Variants in AGO2 observed in about 807,000 individuals in gnomAD.
The protein encoded by AGO2 is argonaute RISC catalytic component 2.
AGO2 carries 5 observed loss-of-function variants against 102.3 expected under a neutral mutation model. The ratio of observed to expected loss-of-function variants is 0.05; its 90% CI spans 0.03 to 0.10. The LOEUF (loss-of-function observed/expected upper bound fraction) is 0.10. Among genes scored for constraint, AGO2 ranks in the 10% least tolerant of loss-of-function variants. The pLI is 1.00. For synonymous variants in AGO2, 449 were observed against 473.1 expected (o/e 0.95, Z 0.66); for missense variants, 541 against 1,183.7 (o/e 0.46, Z 7.97).
intron 1 of AGO2, among the ~76,000 whole-genome samples, chr8:140,597,969 C>T (rs1395644062): frequency 3.9e-5 from 6 of 152,264 alleles, no homozygotes; most frequent in Non-Finnish European, 4.4e-5. Flanking sequence ...GTGCCAGTGC[C>T]AGCAGATGCT....
rs868216275 is a variant in AGO2, at chr8:140,589,431, G to A, written c.23-4120C>T. On this transcript the variant is annotated intron_variant, in intron 1 of 18. Coordinates refer to ENST00000220592, the MANE Select transcript of AGO2 (RefSeq NM_012154.5). The surrounding 1 kb of genome is among the most constrained non-coding windows in gnomAD (Gnocchi z 4.2). Reference sequence around the variant, plus strand: ...GCTTGGGTGGCAGCCTCGCTGTGAGGCTGGCACAGGGGCCCAGGGCTGTCT... The same window carrying A: ...GCTTGGGTGGCAGCCTCGCTGTGAGACTGGCACAGGGGCCCAGGGCTGTCT... 2.0e-5 allele frequency among the ~76,000 whole-genome samples: 3 copies of A among 151,714 alleles called. No homozygotes were observed. The highest frequency in any genetic ancestry group is 2.1e-4 in the South Asian group (1 of 4,796).
At chr8:140,606,797 C>T (rs1397222958) in intron 1 of AGO2, among the ~76,000 whole-genome samples, 2 of 148,558 alleles carry the variant, frequency 1.3e-5, no homozygotes, top group African/African-American at 5.0e-5. Context: ...ATTAGCCGGT[C>T]GTGGTGGCGT....
rs1405187200 is a variant in AGO2 at position 140,531,518 on chromosome 8, C to T, written c.*526G>A. On this transcript the variant is annotated 3_prime_UTR_variant, in exon 19 of 19. Coordinates refer to ENST00000220592, the MANE Select transcript of AGO2 (RefSeq NM_012154.5). ...CTCTGCATGGCCACCGGCCCTCAGT[C>T]GAGGAACTTGGGTGAGCCACGCCAG... 1 of 154,864 alleles carries T rather than the reference C, an allele frequency of 6.5e-6. No individual in the cohort carries two copies. The highest frequency in any genetic ancestry group is 1.4e-5 in the Non-Finnish European group (1 of 69,620). The allele number at this position is 154,864 out of a possible 1,614,324, so 9.6% of individuals were successfully genotyped here. A position where few individuals can be genotyped will look rare whatever the true frequency, so the allele number is the denominator to read the frequency against.
At chr8:140,607,461 TATATATATATATATATATATATATATA>T (rs2074015888) in intron 1 of AGO2, among the ~76,000 whole-genome samples, 4 of 2,078 alleles carry the variant, frequency 1.9e-3, no homozygotes, top group African/African-American at 4.4e-3. Context: ...AGAAAAATTA[TATATATATATATATATATATATATATA>T]TATATATATA....
intron 3 of AGO2, among the ~76,000 whole-genome samples, chr8:140,570,908 C>T (rs1405212692): frequency 6.6e-6 from 1 of 152,194 alleles, no homozygotes; most frequent in Non-Finnish European, 1.5e-5. Context: ...TTCAGAAAAA[C>T]TACCCTGATG....
At chr8:140,625,882 C>T (rs117981677) in intron 1 of AGO2, among the ~76,000 whole-genome samples, 1 of 152,316 alleles carries the variant, frequency 6.6e-6, no homozygotes, top group Non-Finnish European at 1.5e-5. Flanking sequence ...GATGAGTGAG[C>T]GTCTCAGCAC....
At chr8:140,550,178 T>C (rs757622278) in intron 11 of AGO2, among the ~76,000 whole-genome samples, 2 of 152,076 alleles carry the variant, frequency 1.3e-5, no homozygotes, top group Non-Finnish European at 2.9e-5. Context: ...GGACACAAGG[T>C]GGCCTCAGAA....
At chr8:140,608,994 C>A (rs1176893287) in intron 1 of AGO2, among the ~76,000 whole-genome samples, 2 of 152,210 alleles carry the variant, frequency 1.3e-5, no homozygotes. Flanking sequence ...CACTGCCTCC[C>A]CAGGCCTAAC....
intron 1 of AGO2, among the ~76,000 whole-genome samples, chr8:140,630,490 G>A (rs1041357533): frequency 7.9e-5 from 12 of 152,254 alleles, no homozygotes; most frequent in Admixed American, 2.6e-4. Flanking sequence ...AATTAGAATA[G>A]TGGCTACAGC....
At chr8:140,547,418 G>A (rs368933249) in intron 13 of AGO2, 50 bp downstream of exon 13, 49 of 1,592,186 alleles carry the variant, frequency 3.1e-5, no homozygotes, top group African/African-American at 2.0e-4. Flanking sequence ...CCTGCCAAGC[G>A]TCCCACTGTG....
intron 1 of AGO2, among the ~76,000 whole-genome samples, chr8:140,624,498 CG>C (rs2074251366): frequency 6.6e-6 from 1 of 152,228 alleles, no homozygotes; most frequent in Non-Finnish European, 1.5e-5. Flanking sequence ...GAAAGACACT[CG>C]GAACAGAGGG....
chr8:140,560,364 C>A lies in AGO2; in HGVS notation c.655+10G>T. ...CTGCCCTGCAGTGAAGACCCCAGGG[C>A]GCTGCTTACCATCAATATTCAGCAT... On this transcript the variant is annotated intron_variant, in intron 5 of 18. Transcript: ENST00000220592. The A allele has an allele frequency of 6.2e-7, 1 of 1,613,514 alleles. No homozygotes were observed. The highest frequency in any genetic ancestry group is 1.3e-5 in the African/African-American group (1 of 75,064).
chr8:140,551,729 T>C (rs952847351), intron 10 of AGO2, among the ~76,000 whole-genome samples: 1 of 148,560 alleles, frequency 6.7e-6, no homozygotes, highest in Non-Finnish European at 1.5e-5. Context: ...GGTGGATGGT[T>C]GATCGGTGGA....
intron 1 of AGO2, among the ~76,000 whole-genome samples, chr8:140,625,950 T>C (rs1005235127): frequency 9.2e-5 from 14 of 152,234 alleles, no homozygotes; most frequent in Non-Finnish European, 1.9e-4. Flanking sequence ...CGCTTTAGCA[T>C]CTGGCAAACT....
rs1027645064 is a variant in AGO2 at position 140,525,439 on chromosome 8, C to T, written c.*6605G>A. 1 of 152,310 alleles carries T rather than the reference C, an allele frequency of 6.6e-6. No individual in the cohort carries two copies. The highest frequency in any genetic ancestry group is 1.5e-5 in the Non-Finnish European group (1 of 68,106). 9.4% of individuals were successfully genotyped at this position (152,310 alleles called of 1,614,324 possible). On this transcript the variant is annotated 3_prime_UTR_variant, in exon 19 of 19. Coordinates refer to ENST00000220592, the MANE Select transcript of AGO2 (RefSeq NM_012154.5). ...CAGGCAGTGGGACACCCACGGGGGCCCAAGCCTCTTGAGGTCGGTCCGCAC... is the reference window on the plus strand; with the variant it reads ...CAGGCAGTGGGACACCCACGGGGGCTCAAGCCTCTTGAGGTCGGTCCGCAC...
In AGO2 at chr8:140,521,540, G is replaced by T. The variant is rs1035412139; in HGVS notation, c.*10504C>A. 3 of 152,170 alleles carry T rather than the reference G, an allele frequency of 2.0e-5. No homozygotes were observed. The highest frequency in any genetic ancestry group is 6.5e-5 in the Admixed American group (1 of 15,278). The allele number at this position is 152,170 out of a possible 1,614,324, so 9.4% of individuals were successfully genotyped here. On this transcript the variant is annotated 3_prime_UTR_variant, in exon 19 of 19. Coordinates refer to ENST00000220592, the MANE Select transcript of AGO2 (RefSeq NM_012154.5). ...ACTCCAAAATATTGTTACCTCCAAA[G>T]AATTAAGTAAAAAAAGATCGCCATA... is the stretch of plus-strand genomic sequence containing the variant.
At chr8:140,594,204 A>AG (rs1393020595) in intron 1 of AGO2, among the ~76,000 whole-genome samples, 21 of 152,266 alleles carry the variant, frequency 1.4e-4, no homozygotes, top group African/African-American at 4.3e-4. Context: ...GGTTGGCTGG[A>AG]GGGGGCTTGC....
rs1253801748 is a variant in AGO2, at chr8:140,540,359, G to C, written c.2034+805C>G. Among the ~76,000 whole-genome samples, 1 of 152,158 alleles carries C rather than the reference G, an allele frequency of 6.6e-6. No individual in the cohort carries two copies. On this transcript the variant is annotated intron_variant, in intron 15 of 18. Transcript: ENST00000220592. The surrounding 1 kb of genome is among the most constrained non-coding windows in gnomAD (Gnocchi z 5.0). ...ATGTCTTCCCACCCCACTGGGTGGG[G>C]CTCCTCCCCCAACATGCCTGGGGCC...
chr8:140,639,251 G>A (rs889616490), upstream of AGO2, among the ~76,000 whole-genome samples: 7 of 152,168 alleles, frequency 4.6e-5, no homozygotes, highest in African/African-American at 1.7e-4. Context: ...GGAGGCCAAG[G>A]CAGGTGGATC....
Sources: allele counts gnomAD v4.1 joint callset (sites outside exome capture counted in the v4.1 genomes callset), GRCh38; gene constraint gnomAD v4.1.1; non-coding constraint Gnocchi (gnomAD v3.1); transcripts MANE v1.5; gene names NCBI Gene and HGNC (gene_info 2026-07-23, HGNC 2026-07-21).